Variants in LENG9 observed in about 807,000 individuals in gnomAD.
LENG9 encodes leukocyte receptor cluster (LRC) member 9.
For synonymous variants in LENG9, 410 were observed against 303.9 expected (o/e 1.35, Z -3.63); for missense variants, 872 against 652.7 (o/e 1.34, Z -3.66).
chr19:54,462,945 C>G lies in LENG9; in HGVS notation c.582G>C (p.Arg194Ser). The stretch of plus-strand genomic sequence containing the variant: ...GTTCCTGGTGCCCTGTGCAGAGCGG[C>G]CTTGTGCTCCCTCGCTTGGGGGCAG... ...AQAAPKRGST[R>S]PLCTGHQEPG... The change falls in exon 1 of 1, where the codon AGG (arginine) becomes AGC (serine). Residue 194 changes from arginine (R) to serine (S), a missense_variant. By Grantham distance (110) the Arg-to-Ser change is moderately radical. Coordinates refer to ENST00000611161, the MANE Select transcript of LENG9 (RefSeq NM_001301782.2). The G allele has an allele frequency of 6.2e-7, 1 of 1,611,278 alleles. No individual in the cohort carries two copies. Among genetic ancestry groups the G allele is most frequent in the Non-Finnish European group, 8.5e-7 (1 of 1,179,920 alleles).
rs1003477553 is a variant in LENG9 at position 54,463,534 on chromosome 19, G to A, written c.-8C>T. The A allele has an allele frequency of 7.9e-6, 11 of 1,388,394 alleles. No individual in the cohort carries two copies. Among genetic ancestry groups the A allele is most frequent in the African/African-American group, 6.0e-5 (4 of 66,848 alleles). The allele number at this position is 1,388,394 out of a possible 1,614,324, so 86.0% of individuals were successfully genotyped here. The stretch of plus-strand genomic sequence containing the variant: ...CTCTCTGGCCGCTGCCATGGGTGCG[G>A]GGAACTGGCACGCCCGCCGCGCAGA... On this transcript the variant is annotated 5_prime_UTR_variant, in exon 1 of 1. Coordinates refer to ENST00000611161, the MANE Select transcript of LENG9 (RefSeq NM_001301782.2).
At position 54,462,008 on chromosome 19, in the gene LENG9, AAG is replaced by A. The variant is rs751705318; in HGVS notation, c.*80_*81del. 1.3e-4 allele frequency: 189 copies of A among 1,448,970 alleles called. 2 individuals are homozygous for A. The Admixed American group carries it at 1.3e-3, about 10-fold the overall frequency. The allele number at this position is 1,448,970 out of a possible 1,614,324, so 89.8% of individuals were successfully genotyped here. On this transcript the variant is annotated 3_prime_UTR_variant, in exon 1 of 1. Coordinates refer to ENST00000611161, the MANE Select transcript of LENG9 (RefSeq NM_001301782.2). ...GAGAGAAACCAAAATTAAAGAGAGA[AAG>A]AGAGAGCGTGCACGCTCCTGCTTTG...
In LENG9 at chr19:54,461,994, A is replaced by C. The variant is rs555467646; in HGVS notation, c.*96T>G. ...CCATTTGGAAGCTTGAGAGAAACCA[A>C]AATTAAAGAGAGAAAGAGAGAGCGT... is the stretch of plus-strand genomic sequence containing the variant. On this transcript the variant is annotated 3_prime_UTR_variant, in exon 1 of 1. Transcript: ENST00000611161. 287 of 1,416,252 alleles carry C rather than the reference A, an allele frequency of 2.0e-4. 2 individuals carry two copies. Among genetic ancestry groups the C allele is most frequent in the Middle Eastern group, 1.6e-3 (9 of 5,516 alleles). The allele number at this position is 1,416,252 out of a possible 1,614,324, so 87.7% of individuals were successfully genotyped here.
At position 54,462,316 on chromosome 19, in the gene LENG9, C is replaced by T. The variant is rs536865335; in HGVS notation, c.1211G>A (p.Ser404Asn). ...CAGCCCCTCGGCTTCCAGCCTCTGG[C>T]TCAGCACTTGTGCCATGCTTTCCAG... ...PTLESMAQVL[S>N]QRLEAEGLST... Residue 404 changes from serine to asparagine, a missense_variant, in exon 1 of 1, where the codon AGC becomes AAC. Transcript: ENST00000611161. The T allele has an allele frequency of 2.5e-6, 4 of 1,604,236 alleles. No individual in the cohort carries two copies. Among genetic ancestry groups the T allele is most frequent in the African/African-American group, 2.7e-5 (2 of 74,914 alleles).
Position 54,462,553 on chromosome 19 carries a change from G to A in LENG9, c.974C>T (p.Ala325Val). ...TKAQEYLVHV[A>V]PHCANFLVPS... ...CACTAGGAAGTTGGCGCAGTGTGGG[G>A]CCACGTGGACCAGGTATTCCTGGGC... Residue 325 changes from alanine (A) to valine (V), a missense_variant, in exon 1 of 1, where the codon GCC becomes GTC. Coordinates refer to ENST00000611161, the MANE Select transcript of LENG9 (RefSeq NM_001301782.2). 5.6e-6 allele frequency: 9 copies of A among 1,613,722 alleles called. No individual in the cohort carries two copies. The highest frequency in any genetic ancestry group is 4.0e-5 in the African/African-American group (3 of 75,062).
Position 54,463,469 on chromosome 19 carries a change from G to A in LENG9, c.58C>T (p.Pro20Ser), listed in dbSNP as rs1017542792. 45 of 1,292,692 alleles carry A rather than the reference G, an allele frequency of 3.5e-5. No homozygotes were observed. In the African/African-American group the frequency reaches 6.7e-4, roughly 19 times the overall value. The allele number at this position is 1,292,692 out of a possible 1,614,324, so 80.1% of individuals were successfully genotyped here. ...AGGAAGAAGCGGCAGGCCGGCGGGG[G>A]CGCGGGTTCCGTGGCGGGGGCTTCC... ...PQEAPATEPA[P>S]PPACRFFLEG... is the part of the protein sequence containing the mutation. The change falls in exon 1 of 1, where the codon CCC (proline) becomes TCC (serine). Residue 20 changes from proline (P) to serine (S), a missense_variant. Pro to Ser is a moderately conservative substitution (Grantham distance 74, BLOSUM62 -1). Transcript: ENST00000611161.
Position 54,462,925 on chromosome 19 carries a change from T to A in LENG9, c.602A>T (p.Gln201Leu). ...GSTRPLCTGH[Q>L]EPGVEEPGEL... Reference sequence around the variant, plus strand: ...TCCGGGTTCCTCCACGCCTGGTTCCTGGTGCCCTGTGCAGAGCGGCCTTGT... The same window carrying A: ...TCCGGGTTCCTCCACGCCTGGTTCCAGGTGCCCTGTGCAGAGCGGCCTTGT... Residue 201 changes from glutamine (Q) to leucine (L), a missense_variant, in exon 1 of 1, where the codon CAG (glutamine) becomes CTG (leucine). Physicochemically the swap from Gln to Leu is moderately radical, Grantham distance 113 (BLOSUM62 -2). Coordinates refer to ENST00000611161, the MANE Select transcript of LENG9 (RefSeq NM_001301782.2). The A allele has an allele frequency of 6.2e-7, 1 of 1,612,318 alleles. No individual in the cohort carries two copies. Among genetic ancestry groups the A allele is most frequent in the Non-Finnish European group, 8.5e-7 (1 of 1,179,948 alleles).
At position 54,463,532 on chromosome 19, in the gene LENG9, C is replaced by T. The variant is rs1287511315; in HGVS notation, c.-6G>A. The T allele has an allele frequency of 7.2e-7, 1 of 1,387,420 alleles. No individual in the cohort carries two copies. Among genetic ancestry groups the T allele is most frequent in the African/African-American group, 1.5e-5 (1 of 66,944 alleles). The allele number at this position is 1,387,420 out of a possible 1,614,324, so 85.9% of individuals were successfully genotyped here. A position where few individuals can be genotyped will look rare whatever the true frequency, so the allele number is the denominator to read the frequency against. Reference sequence around the variant, plus strand: ...GGCTCTCTGGCCGCTGCCATGGGTGCGGGGAACTGGCACGCCCGCCGCGCA... The same window carrying T: ...GGCTCTCTGGCCGCTGCCATGGGTGTGGGGAACTGGCACGCCCGCCGCGCA... On this transcript the variant is annotated 5_prime_UTR_variant, in exon 1 of 1. Coordinates refer to ENST00000611161, the MANE Select transcript of LENG9 (RefSeq NM_001301782.2).
Position 54,462,912 on chromosome 19 carries a change from C to A in LENG9, c.615G>T (p.Val205=). The change falls in exon 1 of 1, where the codon GTG becomes GTT. Residue 205 remains valine, a synonymous_variant. Coordinates refer to ENST00000611161, the MANE Select transcript of LENG9 (RefSeq NM_001301782.2). ...PLCTGHQEPG[V]EEPGELEAAQ... is the part of the protein sequence containing the mutation. ...CCGCCTCCAGCTCTCCGGGTTCCTCCACGCCTGGTTCCTGGTGCCCTGTGC... is the reference window on the plus strand; with the variant it reads ...CCGCCTCCAGCTCTCCGGGTTCCTCAACGCCTGGTTCCTGGTGCCCTGTGC... 6.2e-7 allele frequency: 1 copy of A among 1,612,622 alleles called. No individual in the cohort carries two copies. Among genetic ancestry groups the A allele is most frequent in the Non-Finnish European group, 8.5e-7 (1 of 1,179,960 alleles).
At position 54,462,899 on chromosome 19, in the gene LENG9, C is replaced by T. The variant is rs780895270; in HGVS notation, c.628G>A (p.Glu210Lys). Residue 210 changes from glutamate to lysine, a missense_variant, in exon 1 of 1, where the codon GAG becomes AAG. Coordinates refer to ENST00000611161, the MANE Select transcript of LENG9 (RefSeq NM_001301782.2). ...HQEPGVEEPGELEAAQERALG... is the reference protein window; with the variant it reads ...HQEPGVEEPGKLEAAQERALG... Reference sequence around the variant, plus strand: ...GCCCTCTCCTGGGCCGCCTCCAGCTCTCCGGGTTCCTCCACGCCTGGTTCC... The same window carrying T: ...GCCCTCTCCTGGGCCGCCTCCAGCTTTCCGGGTTCCTCCACGCCTGGTTCC... 6 of 1,612,672 alleles carry T rather than the reference C, an allele frequency of 3.7e-6. No individual in the cohort carries two copies. Among genetic ancestry groups the T allele is most frequent in the Non-Finnish European group, 3.4e-6 (4 of 1,179,976 alleles).
chr19:54,462,045 T>C lies in LENG9; in HGVS notation c.*45A>G. ...GCACGCTCCTGCTTTGTCTTTCCTG[T>C]GTGGGCTGTTTGCATCCATTGTCTC... On this transcript the variant is annotated 3_prime_UTR_variant, in exon 1 of 1. Transcript: ENST00000611161. The C allele has an allele frequency of 6.5e-7, 1 of 1,532,182 alleles. No homozygotes were observed. 94.9% of individuals were successfully genotyped at this position (1,532,182 alleles called of 1,614,324 possible).
Position 54,463,088 on chromosome 19 carries a change from CAAAGACGA to C in LENG9, c.431_438del (p.Leu144ArgfsTer78), listed in dbSNP as rs2084649250. ...CCGCGTCCCGCCGCCGAGCCAGAGC[CAAAGACGA>C]GGTCGGTGCGCGAGGCGCGGTCCCA... is the stretch of plus-strand genomic sequence containing the variant. On this transcript the variant is annotated frameshift_variant, in exon 1 of 1. Coordinates refer to ENST00000611161, the MANE Select transcript of LENG9 (RefSeq NM_001301782.2). LOFTEE classifies it low-confidence loss of function (END_TRUNC). 20 of 1,602,800 alleles carry C rather than the reference CAAAGACGA, an allele frequency of 1.2e-5. No homozygotes were observed. Among genetic ancestry groups the C allele is most frequent in the Non-Finnish European group, 1.7e-5 (20 of 1,179,474 alleles).
Position 54,462,889 on chromosome 19 carries a change from G to A in LENG9, c.638C>T (p.Ala213Val). ...PGVEEPGELE[A>V]AQERALGTAA... is the part of the protein sequence containing the mutation. ...TGTGCCCAGCGCCCTCTCCTGGGCC[G>A]CCTCCAGCTCTCCGGGTTCCTCCAC... Residue 213 changes from alanine to valine, a missense_variant, in exon 1 of 1, where the codon GCG (alanine) becomes GTG (valine). By Grantham distance (64) the Ala-to-Val change is moderately conservative. Coordinates refer to ENST00000611161, the MANE Select transcript of LENG9 (RefSeq NM_001301782.2). 3 of 1,612,600 alleles carry A rather than the reference G, an allele frequency of 1.9e-6. No individual in the cohort carries two copies. The highest frequency in any genetic ancestry group is 2.5e-6 in the Non-Finnish European group (3 of 1,179,968).
chr19:54,463,224 G>T lies in LENG9; in HGVS notation c.303C>A (p.Phe101Leu). ...GCGGCTGGTCCCAGCAAAAGGCGCT[G>T]AAGGGCTCCTCGCGCACACCCAGAA... ...DRFLGVREEP[F>L]SAFCWDQPLA... Residue 101 changes from phenylalanine to leucine, a missense_variant, in exon 1 of 1, where the codon TTC (phenylalanine) becomes TTA (leucine). Transcript: ENST00000611161. 1 of 1,549,338 alleles carries T rather than the reference G, an allele frequency of 6.5e-7. No individual in the cohort carries two copies. The highest frequency in any genetic ancestry group is 8.7e-7 in the Non-Finnish European group (1 of 1,153,814).
Position 54,461,975 on chromosome 19 carries a change from G to T in LENG9, c.*115C>A. ...TTCCTTGGAGCACTGAGCACCATTT[G>T]GAAGCTTGAGAGAAACCAAAATTAA... On this transcript the variant is annotated 3_prime_UTR_variant, in exon 1 of 1. Transcript: ENST00000611161. 1 of 1,187,210 alleles carries T rather than the reference G, an allele frequency of 8.4e-7. No individual in the cohort carries two copies. The highest frequency in any genetic ancestry group is 1.2e-6 in the Non-Finnish European group (1 of 813,190). The allele number at this position is 1,187,210 out of a possible 1,614,324, so 73.5% of individuals were successfully genotyped here. A position where few individuals can be genotyped will look rare whatever the true frequency, so the allele number is the denominator to read the frequency against.
chr19:54,463,553 G>T lies in LENG9; in HGVS notation c.-27C>A. 1 of 1,383,120 alleles carries T rather than the reference G, an allele frequency of 7.2e-7. No individual in the cohort carries two copies. The highest frequency in any genetic ancestry group is 9.4e-7 in the Non-Finnish European group (1 of 1,063,556). 85.7% of individuals were successfully genotyped at this position (1,383,120 alleles called of 1,614,324 possible). On this transcript the variant is annotated 5_prime_UTR_variant, in exon 1 of 1. Coordinates refer to ENST00000611161, the MANE Select transcript of LENG9 (RefSeq NM_001301782.2). ...GGTGCGGGGAACTGGCACGCCCGCCGCGCAGACGAGGTCGCCCCGCACGGA... is the reference window on the plus strand; with the variant it reads ...GGTGCGGGGAACTGGCACGCCCGCCTCGCAGACGAGGTCGCCCCGCACGGA...
rs1486394251 is a variant in LENG9 at position 54,462,653 on chromosome 19, G to C, written c.874C>G (p.Pro292Ala). 1 of 1,613,008 alleles carries C rather than the reference G, an allele frequency of 6.2e-7. No homozygotes were observed. The highest frequency in any genetic ancestry group is 1.3e-5 in the African/African-American group (1 of 75,054). ...DKRARLSVAA[P>A]CQPRPTHFVA... ...AAATGTGTGGGGCGCGGTTGGCAAG[G>C]GGCTGCAACACTAAGGCGGGCCCTT... Residue 292 changes from proline to alanine, a missense_variant, in exon 1 of 1, where the codon CCT becomes GCT. Physicochemically the swap from Pro to Ala is conservative, Grantham distance 27. Transcript: ENST00000611161.
chr19:54,462,210 G>A lies in LENG9; in HGVS notation c.1317C>T (p.Pro439=). The change falls in exon 1 of 1, where the codon CCC becomes CCT. Residue 439 remains proline (P), a synonymous_variant. Transcript: ENST00000611161. ...KVPHGSQVHL[P]KLEFTLSQEV... is the part of the protein sequence containing the mutation. Reference sequence around the variant, plus strand: ...CCTGGCTGAGGGTGAACTCCAGCTTGGGGAGGTGGACCTGGGAACCATGGG... The same window carrying A: ...CCTGGCTGAGGGTGAACTCCAGCTTAGGGAGGTGGACCTGGGAACCATGGG... The A allele has an allele frequency of 6.2e-7, 1 of 1,613,650 alleles. No individual in the cohort carries two copies. The highest frequency in any genetic ancestry group is 1.1e-5 in the South Asian group (1 of 91,026).
chr19:54,463,222 C>A lies in LENG9; in HGVS notation c.305G>T (p.Ser102Ile). 1 of 1,549,552 alleles carries A rather than the reference C, an allele frequency of 6.5e-7. No homozygotes were observed. The highest frequency in any genetic ancestry group is 8.7e-7 in the Non-Finnish European group (1 of 1,153,896). The stretch of plus-strand genomic sequence containing the variant: ...CAGCGGCTGGTCCCAGCAAAAGGCG[C>A]TGAAGGGCTCCTCGCGCACACCCAG... ...RFLGVREEPF[S>I]AFCWDQPLAA... Residue 102 changes from serine to isoleucine, a missense_variant, in exon 1 of 1, where the codon AGC (serine) becomes ATC (isoleucine). Ser to Ile is a moderately radical substitution (Grantham distance 142). Transcript: ENST00000611161.
Sources: gnomAD v4.1 joint callset for allele counts on GRCh38, gnomAD v4.1.1 for gene constraint, MANE v1.5 for transcripts, NCBI Gene and HGNC (gene_info 2026-07-23, HGNC 2026-07-21) for gene names.